RPS6KA1: variants seen among roughly 807,000 people sequenced by gnomAD.
RPS6KA1 encodes the protein ribosomal protein S6 kinase alpha-1.
In RPS6KA1, 48 loss-of-function variants were observed where a neutral mutation model predicts 91.3. That is an observed-to-expected ratio of 0.53 (90% CI 0.42 to 0.67). The LOEUF is 0.67. Ranked by LOEUF, RPS6KA1 falls within the 30% of genes least tolerant of loss-of-function variation. The pLI is 0.00. For synonymous variants in RPS6KA1, 359 were observed against 384.7 expected (o/e 0.93, Z 0.78); for missense variants, 719 against 960.5 (o/e 0.75, Z 3.32).
intron 17 of RPS6KA1, among the ~76,000 whole-genome samples, chr1:26,564,674 G>A (rs533385656): frequency 6.3e-4 from 96 of 152,292 alleles, no homozygotes; most frequent in African/African-American, 2.2e-3. Flanking sequence ...TTTCATTAGG[G>A]TTGTGAAAGT....
intron 17 of RPS6KA1, among the ~76,000 whole-genome samples, chr1:26,570,255 C>G (rs2076238178): frequency 6.6e-6 from 1 of 152,114 alleles, no homozygotes; most frequent in African/African-American, 2.4e-5. Context: ...GAGGCCCAGG[C>G]AGGAGGATCA....
chr1:26,560,234 G>A (rs1220248488), intron 14 of RPS6KA1, among the ~76,000 whole-genome samples: 2 of 152,212 alleles, frequency 1.3e-5, no homozygotes, highest in Non-Finnish European at 2.9e-5. Flanking sequence ...GCTTAGAATA[G>A]TGCCTGGCAC....
chr1:26,545,926 G>T (rs751449941), intron 2 of RPS6KA1: 7 of 1,590,072 alleles, frequency 4.4e-6, no homozygotes, highest in African/African-American at 2.7e-5. Flanking sequence ...AAGCCGCCCC[G>T]TCTGCGGCTC....
intron 21 of RPS6KA1, 31 bp downstream of exon 21, chr1:26,573,392 G>T (rs1448759912): frequency 6.2e-7 from 1 of 1,612,260 alleles, no homozygotes. Context: ...CTGGGCATCT[G>T]GGGGGTCAGC....
chr1:26,567,511 G>T (rs2076213934), intron 17 of RPS6KA1, among the ~76,000 whole-genome samples: 1 of 152,146 alleles, frequency 6.6e-6, no homozygotes, highest in Admixed American at 6.5e-5. Flanking sequence ...CTCCCGAGTA[G>T]CTGGGACTAC....
intron 2 of RPS6KA1, among the ~76,000 whole-genome samples, chr1:26,539,733 G>C (rs865788195): frequency 2.0e-5 from 3 of 152,194 alleles, no homozygotes; most frequent in African/African-American, 7.2e-5. Flanking sequence ...TCCAGGGTGA[G>C]AACTCTCTGG....
chr1:26,555,469 C>T lies in RPS6KA1; in HGVS notation c.828-68C>T. 6.9e-7 allele frequency: 1 copy of T among 1,446,828 alleles called. No individual in the cohort carries two copies. The highest frequency in any genetic ancestry group is 1.2e-5 in the South Asian group (1 of 82,008). 89.6% of individuals were successfully genotyped at this position (1,446,828 alleles called of 1,614,324 possible). On this transcript the variant is annotated intron_variant, in intron 10 of 21. Coordinates refer to ENST00000374168, the MANE Select transcript of RPS6KA1 (RefSeq NM_002953.4). The surrounding 1 kb of genome is among the most constrained non-coding windows in gnomAD (Gnocchi z 4.3). The stretch of plus-strand genomic sequence containing the variant: ...GACTGAGCTGGGAACTAGATCTGGA[C>T]AGGGGCCGGGGGAGATGGGGCCTCT...
chr1:26,543,302 C>A, intron 2 of RPS6KA1: 2 of 1,084,124 alleles, frequency 1.8e-6, no homozygotes, highest in South Asian at 1.3e-5. Context: ...GGCTCTGTCC[C>A]TTGGGATTTC....
intron 2 of RPS6KA1, among the ~76,000 whole-genome samples, chr1:26,546,486 A>G (rs962957511): frequency 6.6e-6 from 1 of 152,160 alleles, no homozygotes; most frequent in African/African-American, 2.4e-5. Flanking sequence ...CTACCTCCCC[A>G]TATGAGAACA....
Position 26,546,945 on chromosome 1 carries a change from G to T in RPS6KA1, c.187G>T (p.Glu63Ter). ...TGAGAAGGCTGATCCATCCCATTTC[G>T]AGCTCCTCAAGGTTCTGGGCCAGGG... Reference protein sequence around the residue: ...GSEKADPSHFELLKVLGQGSF... With the variant: ...GSEKADPSHF The change falls in exon 3 of 22, where the codon GAG (glutamate) becomes TAG (stop). Residue 63 changes from glutamate (E) to a stop codon, truncating the protein, a stop_gained. Coordinates refer to ENST00000374168, the MANE Select transcript of RPS6KA1 (RefSeq NM_002953.4). LOFTEE classifies it high-confidence loss of function. The T allele has an allele frequency of 6.2e-7, 1 of 1,614,100 alleles. No individual in the cohort carries two copies. The highest frequency in any genetic ancestry group is 8.5e-7 in the Non-Finnish European group (1 of 1,180,022).
intron 2 of RPS6KA1, among the ~76,000 whole-genome samples, chr1:26,541,349 G>A (rs986360182): frequency 2.0e-4 from 31 of 151,784 alleles, no homozygotes; most frequent in Admixed American, 1.3e-4. Context: ...GAGCTCAGGA[G>A]TTTGAGACCA....
In RPS6KA1 at chr1:26,574,886, A is replaced by G. The variant is rs530420880; in HGVS notation, c.*685A>G. ...TGGAAAGCACTTTTTGGCTGACTTC[A>G]TCTGGGGTTGGCAACAGGACAGAGT... is the stretch of plus-strand genomic sequence containing the variant. On this transcript the variant is annotated 3_prime_UTR_variant, in exon 22 of 22. Coordinates refer to ENST00000374168, the MANE Select transcript of RPS6KA1 (RefSeq NM_002953.4). This position sits in a 1 kb window ranked among gnomAD's most constrained non-coding sequence, Gnocchi z 4.3. 3.0e-3 allele frequency: 583 copies of G among 193,584 alleles called. 4 individuals carry two copies. Among genetic ancestry groups the G allele is most frequent in the African/African-American group, 0.013 (551 of 42,144 alleles). The allele number at this position is 193,584 out of a possible 1,614,324, so 12.0% of individuals were successfully genotyped here. A position where few individuals can be genotyped will look rare whatever the true frequency, so the allele number is the denominator to read the frequency against.
rs2076281006 is a variant in RPS6KA1, at chr1:26,574,654, C to G, written c.*453C>G. On this transcript the variant is annotated 3_prime_UTR_variant, in exon 22 of 22. Transcript: ENST00000374168. This position sits in a 1 kb window ranked among gnomAD's most constrained non-coding sequence, Gnocchi z 4.3. Reference sequence around the variant, plus strand: ...CCTCCGAGACAGTCCAGTGTCACCTCTCTCAGAGCATCTGGCTGTTTAGCA... The same window carrying G: ...CCTCCGAGACAGTCCAGTGTCACCTGTCTCAGAGCATCTGGCTGTTTAGCA... 2 of 357,056 alleles carry G rather than the reference C, an allele frequency of 5.6e-6. No homozygotes were observed. The highest frequency in any genetic ancestry group is 3.8e-5 in the Admixed American group (1 of 26,414). The allele number at this position is 357,056 out of a possible 1,614,324, so 22.1% of individuals were successfully genotyped here.
intron 17 of RPS6KA1, among the ~76,000 whole-genome samples, chr1:26,567,370 TTTG>T (rs371175003): frequency 2.0e-5 from 3 of 151,584 alleles, no homozygotes; most frequent in Admixed American, 6.6e-5. Flanking sequence ...TCTAGGGTTT[TTTG>T]TTGTTGTTGT....
At chr1:26,546,840 TGCCCA>T in intron 2 of RPS6KA1, 22 bp from the exon 3 acceptor site, 3 of 1,588,280 alleles carry the variant, frequency 1.9e-6, no homozygotes, top group Non-Finnish European at 2.6e-6. Flanking sequence ...GGGCCCACCA[TGCCCA>T]CCAGCTCTGT....
At position 26,554,124 on chromosome 1, in the gene RPS6KA1, G is replaced by A. The variant is rs1219785813; in HGVS notation, c.576-90G>A. On this transcript the variant is annotated intron_variant, in intron 7 of 21. Transcript: ENST00000374168. This position sits in a 1 kb window ranked among gnomAD's most constrained non-coding sequence, Gnocchi z 4.6. Reference sequence around the variant, plus strand: ...GAGAATTGGGTGGAGCACCTCCTCTGGGCTGAACCCAACTCCCACAGCCCT... The same window carrying A: ...GAGAATTGGGTGGAGCACCTCCTCTAGGCTGAACCCAACTCCCACAGCCCT... 17 of 1,402,880 alleles carry A rather than the reference G, an allele frequency of 1.2e-5. No homozygotes were observed. In the South Asian group the frequency reaches 2.2e-4, roughly 19 times the overall value. The allele number at this position is 1,402,880 out of a possible 1,614,324, so 86.9% of individuals were successfully genotyped here. A position where few individuals can be genotyped will look rare whatever the true frequency, so the allele number is the denominator to read the frequency against.
chr1:26,530,713 C>T (rs1394022125), intron 1 of RPS6KA1: 26 of 1,267,280 alleles, frequency 2.1e-5, no homozygotes, highest in Non-Finnish European at 2.7e-5. Context: ...CCAGCCCAGA[C>T]TCCCCAGACA....
At chr1:26,565,814 G>A (rs898867577) in intron 17 of RPS6KA1, among the ~76,000 whole-genome samples, 2 of 151,980 alleles carry the variant, frequency 1.3e-5, no homozygotes, top group African/African-American at 2.4e-5. Context: ...CACCGGTCTC[G>A]GCCTCCCAAA....
chr1:26,533,763 G>T (rs1015675117), intron 1 of RPS6KA1, among the ~76,000 whole-genome samples: 6 of 152,136 alleles, frequency 3.9e-5, no homozygotes, highest in Non-Finnish European at 8.8e-5. Context: ...CAGAATAAGT[G>T]GCTGGCAGAG....
Sources: gnomAD v4.1 joint callset for allele counts (sites outside exome capture counted in the v4.1 genomes callset) on GRCh38, gnomAD v4.1.1 for gene constraint, Gnocchi (gnomAD v3.1) non-coding constraint, MANE v1.5 for transcripts, NCBI Gene and HGNC (gene_info 2026-07-23, HGNC 2026-07-21) for gene names.